EDIL3: variants seen among roughly 807,000 people sequenced by gnomAD.
EDIL3 encodes the protein EGF-like repeat and discoidin I-like domain-containing protein 3.
Under a neutral mutation model 67.4 loss-of-function variants are expected in EDIL3, and 37 were observed. That is an observed-to-expected ratio of 0.55 (90% CI 0.42 to 0.72). The LOEUF (loss-of-function observed/expected upper bound fraction) is 0.72. EDIL3 is among the 30% of genes least tolerant of loss of function. The pLI is 0.00. For missense variants in EDIL3, 527 were observed against 586.3 expected (o/e 0.90, Z 1.04); for synonymous variants, 195 against 196.3 (o/e 0.99, Z 0.05).
intron 9 of EDIL3, among the ~76,000 whole-genome samples, chr5:84,036,645 G>A (rs981756208): frequency 8.5e-5 from 13 of 152,282 alleles, no homozygotes; most frequent in African/African-American, 2.9e-4. Flanking sequence ...CATTGATATA[G>A]AGGTGATTCA....
chr5:84,098,150 G>A (rs931899311), intron 6 of EDIL3, among the ~76,000 whole-genome samples: 1 of 149,956 alleles, frequency 6.7e-6, no homozygotes, highest in Non-Finnish European at 1.5e-5. Flanking sequence ...TTTAAATCCA[G>A]AACCAGTTAT....
At chr5:84,349,961 G>A (rs116676234) in intron 1 of EDIL3, among the ~76,000 whole-genome samples, 1,539 of 152,068 alleles carry the variant, frequency 0.01, 33 homozygotes, top group African/African-American at 0.035. Flanking sequence ...ACAGCTCTAC[G>A]AGGTAGATAC....
rs545608567 is a variant in EDIL3, at chr5:84,289,120, TC to T, written c.68-34909del. 2.5e-3 allele frequency among the ~76,000 whole-genome samples: 374 copies of T among 152,266 alleles called. 1 individual carries two copies. Among genetic ancestry groups the T allele is most frequent in the African/African-American group, 8.4e-3 (348 of 41,560 alleles). On this transcript the variant is annotated intron_variant, in intron 1 of 10. Transcript: ENST00000296591. The stretch of plus-strand genomic sequence containing the variant: ...GAACTGCTAAATTCAATAGTTTCCA[TC>T]TAGATTTCTAAATGGAGCTGGGAAT...
chr5:84,319,230 T>C (rs1264968969), intron 1 of EDIL3, among the ~76,000 whole-genome samples: 1 of 117,864 alleles, frequency 8.5e-6, no homozygotes, highest in Non-Finnish European at 1.9e-5. Flanking sequence ...CCCAGCACTT[T>C]GGGAGGCCGA....
chr5:84,112,268 A>G (rs753498551), intron 5 of EDIL3, among the ~76,000 whole-genome samples: 17 of 152,180 alleles, frequency 1.1e-4, no homozygotes, highest in Admixed American at 2.0e-4. Flanking sequence ...AGAGTAAGCT[A>G]CTACAGTTGT....
At chr5:84,327,157 A>G (rs1031940443) in intron 1 of EDIL3, among the ~76,000 whole-genome samples, 3 of 151,994 alleles carry the variant, frequency 2.0e-5, no homozygotes, top group Non-Finnish European at 2.9e-5. Flanking sequence ...GCAAATTTCT[A>G]GTATATAATA....
intron 5 of EDIL3, among the ~76,000 whole-genome samples, chr5:84,129,080 G>A (rs904960374): frequency 7.2e-5 from 11 of 152,120 alleles, no homozygotes; most frequent in Non-Finnish European, 1.6e-4. Flanking sequence ...AGGTACAGTA[G>A]GTGAACCTTC....
At chr5:83,987,474 T>C (rs777311837) in intron 9 of EDIL3, among the ~76,000 whole-genome samples, 79 of 152,282 alleles carry the variant, frequency 5.2e-4, no homozygotes, top group Non-Finnish European at 1.0e-3. Flanking sequence ...TTTTAATGTT[T>C]ACTATTTGTC....
intron 1 of EDIL3, among the ~76,000 whole-genome samples, chr5:84,358,090 T>C (rs1026381619): frequency 6.6e-6 from 1 of 152,132 alleles, no homozygotes; most frequent in African/African-American, 2.4e-5. Flanking sequence ...AGGAGTCTTC[T>C]GCACATCCAA....
At chr5:84,283,912 T>C (rs1745757490) in intron 1 of EDIL3, among the ~76,000 whole-genome samples, 1 of 152,064 alleles carries the variant, frequency 6.6e-6, no homozygotes, top group Non-Finnish European at 1.5e-5. Flanking sequence ...ACACCACTCA[T>C]CCAGCTGTAC....
intron 9 of EDIL3, among the ~76,000 whole-genome samples, chr5:84,054,017 T>G (rs1051254641): frequency 7.9e-5 from 12 of 152,120 alleles, no homozygotes; most frequent in Non-Finnish European, 1.6e-4. Context: ...AAAGAGAATT[T>G]TAGACCAATA....
chr5:84,116,197 A>C (rs1232191699), intron 5 of EDIL3, among the ~76,000 whole-genome samples: 2 of 151,348 alleles, frequency 1.3e-5, no homozygotes, highest in African/African-American at 4.8e-5. Context: ...AGGTCAAAAA[A>C]AAAAAAAAAA....
chr5:84,040,497 G>GTA (rs1746100571), intron 9 of EDIL3, among the ~76,000 whole-genome samples: 1 of 147,762 alleles, frequency 6.8e-6, no homozygotes, highest in South Asian at 2.1e-4. Flanking sequence ...TATATAAAGG[G>GTA]TATATATAGA....
At chr5:84,108,886 A>T (rs1187557949) in intron 5 of EDIL3, among the ~76,000 whole-genome samples, 1 of 152,226 alleles carries the variant, frequency 6.6e-6, no homozygotes, top group African/African-American at 2.4e-5. Flanking sequence ...GCTGTATGGC[A>T]GACTTAAAAA....
intron 1 of EDIL3, among the ~76,000 whole-genome samples, chr5:84,290,940 C>T (rs1745901590): frequency 6.6e-6 from 1 of 152,152 alleles, no homozygotes; most frequent in South Asian, 2.1e-4. Context: ...CAGAATGCCA[C>T]TGAACATTTG....
At chr5:84,105,771 T>C (rs556972012) in intron 6 of EDIL3, among the ~76,000 whole-genome samples, 2 of 152,178 alleles carry the variant, frequency 1.3e-5, no homozygotes, top group South Asian at 2.1e-4. Context: ...GATTGTCATG[T>C]AGCATCTTTA....
At chr5:84,104,854 G>A (rs546042761) in intron 6 of EDIL3, among the ~76,000 whole-genome samples, 13 of 152,076 alleles carry the variant, frequency 8.5e-5, no homozygotes, top group African/African-American at 2.9e-4. Context: ...GTGAACAATC[G>A]GATATGAAAC....
Position 84,290,424 on chromosome 5 carries a change from C to T in EDIL3, c.68-36212G>A, listed in dbSNP as rs568902702. ...GCCTGGGAAATTCCATCTAGACATA[C>T]GTCATCTCTAATACTTGAGATACTG... On this transcript the variant is annotated intron_variant, in intron 1 of 10. Coordinates refer to ENST00000296591, the MANE Select transcript of EDIL3 (RefSeq NM_005711.5). Among the ~76,000 whole-genome samples the T allele has an allele frequency of 1.9e-4, 29 of 152,274 alleles. No homozygotes were observed. The South Asian group carries it at 5.8e-3, about 30-fold the overall frequency.
chr5:84,318,391 A>G (rs1466925471), intron 1 of EDIL3, among the ~76,000 whole-genome samples: 3 of 152,202 alleles, frequency 2.0e-5, no homozygotes, highest in Admixed American at 6.5e-5. Context: ...GCATCATGCT[A>G]CCTGACTTCA....
Sources: gnomAD v4.1 joint callset for allele counts (sites outside exome capture counted in the v4.1 genomes callset) on GRCh38, gnomAD v4.1.1 for gene constraint, MANE v1.5 for transcripts, NCBI Gene and HGNC (gene_info 2026-07-23, HGNC 2026-07-21) for gene names.